The following TACC2 variants were observed in gnomAD, a reference collection of about 807,000 sequenced individuals.
TACC2 encodes transforming acidic coiled-coil-containing protein 2.
A neutral mutation model predicts 227.3 loss-of-function variants in TACC2; 137 were observed. That is an observed-to-expected ratio of 0.60 (90% CI 0.52 to 0.69). TACC2 has a LOEUF of 0.69. Ranked by LOEUF, TACC2 falls within the 30% of genes least tolerant of loss-of-function variation. TACC2 has a pLI of 0.00. For synonymous variants in TACC2, 1,523 were observed against 1,487.5 expected (o/e 1.02, Z -0.55); for missense variants, 3,470 against 3,694.4 (o/e 0.94, Z 1.57).
intron 9 of TACC2, among the ~76,000 whole-genome samples, chr10:122,212,624 C>G (rs1025260315): frequency 2.0e-5 from 3 of 152,204 alleles, no homozygotes; most frequent in Non-Finnish European, 2.9e-5. Flanking sequence ...GACCACAGCG[C>G]TGGCCCCTCT....
intron 1 of TACC2, among the ~76,000 whole-genome samples, chr10:121,990,541 G>T (rs930919862): frequency 1.3e-5 from 2 of 151,720 alleles, no homozygotes; most frequent in African/African-American, 4.8e-5. Flanking sequence ...TTAATTTTCT[G>T]CCCAAGTACG....
intron 1 of TACC2, among the ~76,000 whole-genome samples, chr10:122,003,387 TTTCACTGACAAA>T (rs1295316062): frequency 3.3e-5 from 5 of 152,186 alleles, no homozygotes; most frequent in African/African-American, 1.2e-4. Flanking sequence ...CTTCTTTCAT[TTTCACTGACAAA>T]TATGTTTGAT....
At chr10:122,145,870 G>A (rs1237792554) in intron 7 of TACC2, among the ~76,000 whole-genome samples, 1 of 152,164 alleles carries the variant, frequency 6.6e-6, no homozygotes. Flanking sequence ...CACACTGGGT[G>A]ATCTCACCTT....
chr10:122,026,299 G>C (rs1958002623), intron 2 of TACC2, among the ~76,000 whole-genome samples: 1 of 124,670 alleles, frequency 8.0e-6, no homozygotes, highest in East Asian at 2.6e-4. Context: ...GGGCTACAGA[G>C]TGAGACTCTG....
chr10:122,243,483 AT>A (rs1211215582), intron 19 of TACC2, among the ~76,000 whole-genome samples: 1 of 152,162 alleles, frequency 6.6e-6, no homozygotes, highest in Admixed American at 6.5e-5. Flanking sequence ...TTCAATTTTG[AT>A]TTATTGTAAC....
intron 16 of TACC2, among the ~76,000 whole-genome samples, chr10:122,231,665 G>C (rs2095752841): frequency 6.6e-6 from 1 of 152,198 alleles, no homozygotes; most frequent in South Asian, 2.1e-4. Flanking sequence ...TTGGGGACTA[G>C]AACTCAGGTC....
At chr10:122,048,374 A>AT (rs996376721) in intron 2 of TACC2, among the ~76,000 whole-genome samples, 9 of 142,920 alleles carry the variant, frequency 6.3e-5, no homozygotes, top group Non-Finnish European at 7.6e-5. Context: ...ATGGAGCCTT[A>AT]TTTTTTTTTT....
intron 1 of TACC2, among the ~76,000 whole-genome samples, chr10:122,000,295 C>T (rs997042578): frequency 2.0e-5 from 3 of 152,110 alleles, no homozygotes; most frequent in Non-Finnish European, 4.4e-5. Context: ...AGGAGAATGG[C>T]GTGAACCCAG....
chr10:122,230,572 T>TCTCTTTTG, intron 16 of TACC2, 132 bp downstream of exon 16: 3 of 764,722 alleles, frequency 3.9e-6, no homozygotes, highest in Non-Finnish European at 6.6e-6. Context: ...TCCAAAAAGC[T>TCTCTTTTG]GAAAGCGTCA....
intron 5 of TACC2, among the ~76,000 whole-genome samples, chr10:122,118,014 T>C (rs2085025220): frequency 6.6e-6 from 1 of 151,032 alleles, no homozygotes; most frequent in Non-Finnish European, 1.5e-5. Context: ...TTTCTCTTTT[T>C]CTTTTTTTTT....
intron 1 of TACC2, among the ~76,000 whole-genome samples, chr10:122,006,648 C>T (rs1351855324): frequency 3.3e-5 from 5 of 151,978 alleles, no homozygotes; most frequent in African/African-American, 1.2e-4. Flanking sequence ...CCTTCCAGCA[C>T]GTAGATTCAG....
At chr10:122,183,779 C>T (rs759356742) in intron 7 of TACC2, among the ~76,000 whole-genome samples, 1 of 152,140 alleles carries the variant, frequency 6.6e-6, no homozygotes, top group Admixed American at 6.5e-5. Context: ...GCAGTTGGGT[C>T]AGGCTGAGGC....
chr10:122,157,840 TA>T (rs57997834), intron 7 of TACC2, among the ~76,000 whole-genome samples: 12 of 148,810 alleles, frequency 8.1e-5, no homozygotes, highest in East Asian at 1.9e-4. Context: ...ATGGTGTGTT[TA>T]AAAAAAAAAG....
intron 2 of TACC2, among the ~76,000 whole-genome samples, chr10:122,027,827 T>A (rs1479276367): frequency 6.6e-6 from 1 of 151,194 alleles, no homozygotes; most frequent in African/African-American, 2.4e-5. Context: ...CACTGCAAGC[T>A]CCGCCTACCA....
chr10:122,114,412 A>G (rs1351387807), intron 5 of TACC2, among the ~76,000 whole-genome samples: 4 of 152,236 alleles, frequency 2.6e-5, no homozygotes, highest in Non-Finnish European at 1.5e-5. Context: ...TTTAGGGTTG[A>G]CAGTTGATGG....
chr10:122,074,783 C>G (rs1040144693), intron 3 of TACC2, among the ~76,000 whole-genome samples: 2 of 152,178 alleles, frequency 1.3e-5, no homozygotes, highest in African/African-American at 4.8e-5. Flanking sequence ...AGAAGCTTAT[C>G]TGTGTCACTG....
chr10:122,062,280 G>T (rs917382117), intron 3 of TACC2, among the ~76,000 whole-genome samples: 5 of 151,826 alleles, frequency 3.3e-5, no homozygotes, highest in African/African-American at 9.7e-5. Flanking sequence ...TGATCTGCCC[G>T]CCTCGGCCTC....
At chr10:122,020,979 C>G (rs569481868) in intron 1 of TACC2, among the ~76,000 whole-genome samples, 1 of 152,234 alleles carries the variant, frequency 6.6e-6, no homozygotes, top group African/African-American at 2.4e-5. Context: ...TGCCTGTAAT[C>G]CCAGCACTTT....
chr10:122,149,941 C>T (rs1363471813), intron 7 of TACC2, among the ~76,000 whole-genome samples: 1 of 152,190 alleles, frequency 6.6e-6, no homozygotes, highest in Admixed American at 6.5e-5. Context: ...CGGTGAGACG[C>T]GCGGAGGCAT....
Sources: allele counts gnomAD v4.1 joint callset (sites outside exome capture counted in the v4.1 genomes callset), GRCh38; gene constraint gnomAD v4.1.1; transcripts MANE v1.5; gene names NCBI Gene and HGNC (gene_info 2026-07-23, HGNC 2026-07-21).